The following RPS6KC1 variants were observed in gnomAD, a reference collection of about 807,000 sequenced individuals.
RPS6KC1 encodes the protein ribosomal protein S6 kinase C1.
A neutral mutation model predicts 103.8 loss-of-function variants in RPS6KC1; 54 were observed. That is an observed-to-expected ratio of 0.52 (90% CI 0.42 to 0.65). The LOEUF (loss-of-function observed/expected upper bound fraction) is 0.65. Ranked by LOEUF, RPS6KC1 falls within the 30% of genes least tolerant of loss-of-function variation. RPS6KC1 has a pLI of 0.00. For missense variants in RPS6KC1, 1,151 were observed against 1,253.8 expected (o/e 0.92, Z 1.24); for synonymous variants, 439 against 438.7 (o/e 1.00, Z -0.01).
chr1:213,286,811 C>A, the RPS6KC1 span, among the ~76,000 whole-genome samples: 3 of 152,184 alleles, frequency 2.0e-5, no homozygotes, highest in South Asian at 6.2e-4. Flanking sequence ...TATTGCCAGA[C>A]ACCACCTTGC....
chr1:213,230,105 A>G (rs1185699614), intron 8 of RPS6KC1, among the ~76,000 whole-genome samples: 1 of 152,188 alleles, frequency 6.6e-6, no homozygotes, highest in Non-Finnish European at 1.5e-5. Flanking sequence ...ACATTATAGC[A>G]AGTTGCTACA....
the RPS6KC1 span, among the ~76,000 whole-genome samples, chr1:213,565,041 C>T: frequency 0.012 from 1,813 of 152,276 alleles, 33 homozygotes; most frequent in African/African-American, 0.042. Context: ...TTCAACATTA[C>T]TAGTCATGAA....
At chr1:213,171,010 C>A (rs865779323) in intron 7 of RPS6KC1, among the ~76,000 whole-genome samples, 14 of 152,080 alleles carry the variant, frequency 9.2e-5, no homozygotes, top group African/African-American at 2.9e-4. Flanking sequence ...ATAAAGGAAC[C>A]CTTTTTGGCT....
At chr1:213,491,655 G>C in the RPS6KC1 span, among the ~76,000 whole-genome samples, 1 of 152,228 alleles carries the variant, frequency 6.6e-6, no homozygotes, top group Non-Finnish European at 1.5e-5. Context: ...TGGCGAACAG[G>C]TGACTGTTAG....
chr1:213,210,858 A>G (rs1350580383), intron 8 of RPS6KC1, among the ~76,000 whole-genome samples: 1 of 152,210 alleles, frequency 6.6e-6, no homozygotes, highest in Admixed American at 6.5e-5. Context: ...GTATTGATCG[A>G]CTTAAGAATG....
chr1:213,526,843 G>A, the RPS6KC1 span, among the ~76,000 whole-genome samples: 1 of 152,120 alleles, frequency 6.6e-6, no homozygotes, highest in Non-Finnish European at 1.5e-5. Flanking sequence ...GTTACTGTTT[G>A]TTCTTAAGAG....
intron 8 of RPS6KC1, among the ~76,000 whole-genome samples, chr1:213,192,261 C>A (rs2092776116): frequency 6.6e-6 from 1 of 152,112 alleles, no homozygotes; most frequent in African/African-American, 2.4e-5. Context: ...GATGAATGAT[C>A]TTTTTAATGT....
chr1:213,837,830 G>A, the RPS6KC1 span, among the ~76,000 whole-genome samples: 1 of 152,074 alleles, frequency 6.6e-6, no homozygotes, highest in Non-Finnish European at 1.5e-5. Flanking sequence ...TGTTAAACAA[G>A]CTATGCCACT....
At chr1:213,815,400 C>G in the RPS6KC1 span, among the ~76,000 whole-genome samples, 1 of 152,158 alleles carries the variant, frequency 6.6e-6, no homozygotes, top group Non-Finnish European at 1.5e-5. Context: ...CCAGTGAACT[C>G]CAAACATTTT....
intron 3 of RPS6KC1, among the ~76,000 whole-genome samples, chr1:213,084,004 C>T (rs972529902): frequency 6.6e-6 from 1 of 152,116 alleles, no homozygotes; most frequent in Non-Finnish European, 1.5e-5. Flanking sequence ...ATGTTTCAAA[C>T]TTACAGAAAG....
At chr1:213,409,198 C>A in the RPS6KC1 span, among the ~76,000 whole-genome samples, 3 of 152,058 alleles carry the variant, frequency 2.0e-5, no homozygotes, top group African/African-American at 7.2e-5. Context: ...GTGCAACCAA[C>A]CAAGTGCAAA....
At chr1:213,452,406 T>C in the RPS6KC1 span, among the ~76,000 whole-genome samples, 2 of 152,192 alleles carry the variant, frequency 1.3e-5, no homozygotes, top group Admixed American at 6.5e-5. Context: ...TTAAATTTTG[T>C]GACTTGGCAT....
chr1:213,711,251 A>T, the RPS6KC1 span, among the ~76,000 whole-genome samples: 1 of 151,920 alleles, frequency 6.6e-6, no homozygotes, highest in Admixed American at 6.6e-5. Context: ...ACTTTATTTC[A>T]TTAAGTTGAT....
the RPS6KC1 span, among the ~76,000 whole-genome samples, chr1:213,591,872 G>A: frequency 6.6e-6 from 1 of 152,164 alleles, no homozygotes; most frequent in African/African-American, 2.4e-5. Flanking sequence ...TGGGACAAGA[G>A]GTGTTAAGGC....
chr1:213,739,703 G>T, the RPS6KC1 span, among the ~76,000 whole-genome samples: 2 of 152,162 alleles, frequency 1.3e-5, no homozygotes, highest in African/African-American at 2.4e-5. Context: ...AGCACTGAGT[G>T]CTAGAAGATA....
intron 8 of RPS6KC1, among the ~76,000 whole-genome samples, chr1:213,197,622 G>A (rs1464854483): frequency 6.6e-6 from 1 of 152,092 alleles, no homozygotes; most frequent in Non-Finnish European, 1.5e-5. Context: ...GTCACTGTTG[G>A]TGTATAAGTG....
the RPS6KC1 span, among the ~76,000 whole-genome samples, chr1:213,812,588 C>T: frequency 6.6e-6 from 1 of 152,132 alleles, no homozygotes; most frequent in East Asian, 1.9e-4. Flanking sequence ...AAAGACAGTT[C>T]ATTTAGGAAG....
At chr1:213,746,899 A>C in the RPS6KC1 span, among the ~76,000 whole-genome samples, 6,384 of 152,254 alleles carry the variant, frequency 0.042, 453 homozygotes, top group African/African-American at 0.15. Context: ...TCTTGAGTTG[A>C]GTCTTAGGCA....
the RPS6KC1 span, among the ~76,000 whole-genome samples, chr1:213,545,698 G>T: frequency 6.6e-6 from 1 of 151,926 alleles, no homozygotes; most frequent in Non-Finnish European, 1.5e-5. Flanking sequence ...ACACACTGGG[G>T]GGACACAATT....
Sources: gnomAD v4.1 joint callset for allele counts (sites outside exome capture counted in the v4.1 genomes callset) on GRCh38, gnomAD v4.1.1 for gene constraint, MANE v1.5 for transcripts, NCBI Gene and HGNC (gene_info 2026-07-23, HGNC 2026-07-21) for gene names.